Variants in STEAP1B observed in about 807,000 individuals in gnomAD.
STEAP1B encodes the protein STEAP family protein MGC87042.
A neutral mutation model predicts 27.9 loss-of-function variants in STEAP1B; 13 were observed. That is an observed-to-expected ratio of 0.47 (90% CI 0.30 to 0.74). The LOEUF (loss-of-function observed/expected upper bound fraction) is 0.74. Ranked by LOEUF, STEAP1B falls within the 30% of genes least tolerant of loss-of-function variation. The pLI, the probability that STEAP1B is intolerant of heterozygous loss-of-function variation, is 0.06. For missense variants in STEAP1B, 250 were observed against 298.7 expected, an observed-to-expected ratio of 0.84 and a Z score of 1.20; for synonymous variants, 86 against 107.1, an observed-to-expected ratio of 0.80 and a Z score of 1.22.
intron 4 of STEAP1B, among the ~76,000 whole-genome samples, chr7:22,466,658 GA>G (rs141487445): frequency 0.017 from 2,516 of 152,260 alleles, 65 homozygotes; most frequent in African/African-American, 0.058. Flanking sequence ...ATTGCACAAG[GA>G]CAGGCAAAAC....
chr7:22,481,142 G>T (rs143972685), intron 4 of STEAP1B, among the ~76,000 whole-genome samples: 147 of 152,310 alleles, frequency 9.7e-4, no homozygotes, highest in African/African-American at 3.3e-3. Flanking sequence ...TGCAAGTAGT[G>T]GCTGACCTTG....
intron 4 of STEAP1B, among the ~76,000 whole-genome samples, chr7:22,465,922 C>A (rs1375230515): frequency 6.6e-6 from 1 of 152,204 alleles, no homozygotes. Flanking sequence ...TACCAAAACT[C>A]AGAGCCTCGA....
chr7:22,430,597 T>G (rs1193596446), intron 4 of STEAP1B, among the ~76,000 whole-genome samples: 1 of 152,230 alleles, frequency 6.6e-6, no homozygotes, highest in Non-Finnish European at 1.5e-5. Flanking sequence ...TGGTTCTGAC[T>G]GGAACCGTGG....
At chr7:22,494,262 T>A (rs1422592567) in intron 2 of STEAP1B, among the ~76,000 whole-genome samples, 1 of 151,446 alleles carries the variant, frequency 6.6e-6, no homozygotes, top group African/African-American at 2.4e-5. Flanking sequence ...AAGAAACACT[T>A]AATCCTGTGT....
chr7:22,445,298 T>C (rs1351892009), intron 4 of STEAP1B, among the ~76,000 whole-genome samples: 1 of 152,240 alleles, frequency 6.6e-6, no homozygotes, highest in Non-Finnish European at 1.5e-5. Context: ...TCACATGACC[T>C]TCATGTCTTC....
chr7:22,427,094 G>A (rs994598298), intron 4 of STEAP1B, among the ~76,000 whole-genome samples: 1 of 152,142 alleles, frequency 6.6e-6, no homozygotes, highest in Non-Finnish European at 1.5e-5. Flanking sequence ...GAGAAGAGAG[G>A]GTCACAGAGA....
Position 22,419,717 on chromosome 7 carries a change from G to C in STEAP1B, c.*87C>G. 7.0e-7 allele frequency: 1 copy of C among 1,427,546 alleles called. No homozygotes were observed. 88.4% of individuals were successfully genotyped at this position (1,427,546 alleles called of 1,614,324 possible). A position where few individuals can be genotyped will look rare whatever the true frequency, so the allele number is the denominator to read the frequency against. ...GCTGTTCATTGTGGCAGAGGGAAAG[G>C]GCACTGGGTGGTGTTCTGCATGAGC... is the stretch of plus-strand genomic sequence containing the variant. On this transcript the variant is annotated 3_prime_UTR_variant, in exon 5 of 5. Coordinates refer to ENST00000678116, the MANE Select transcript of STEAP1B (RefSeq NM_001382447.1).
intron 4 of STEAP1B, among the ~76,000 whole-genome samples, chr7:22,484,719 C>T: frequency 6.6e-6 from 1 of 152,122 alleles, no homozygotes; most frequent in East Asian, 1.9e-4. Context: ...TGGATCTGGG[C>T]AAAGTCAATT....
In STEAP1B at chr7:22,451,550, T is replaced by C. The variant is rs183790959; in HGVS notation, c.763-31714A>G. Among the ~76,000 whole-genome samples, 287 of 152,354 alleles carry C rather than the reference T, an allele frequency of 1.9e-3. 1 individual carries two copies. The highest frequency in any genetic ancestry group is 3.6e-3 in the Non-Finnish European group (247 of 68,030). On this transcript the variant is annotated intron_variant, in intron 4 of 4. Transcript: ENST00000678116. The stretch of plus-strand genomic sequence containing the variant: ...GCTGTTGGTCTGTCACGTGGCTTTT[T>C]TTATGTTGAGGTATATTTTATCTCC...
intron 4 of STEAP1B, among the ~76,000 whole-genome samples, chr7:22,459,680 T>G (rs1481273234): frequency 6.6e-6 from 1 of 152,234 alleles, no homozygotes; most frequent in Non-Finnish European, 1.5e-5. Context: ...GCCAGTATTA[T>G]GTTGGGCCAT....
At chr7:22,440,301 T>C (rs1418791111) in intron 4 of STEAP1B, among the ~76,000 whole-genome samples, 1 of 152,226 alleles carries the variant, frequency 6.6e-6, no homozygotes, top group African/African-American at 2.4e-5. Context: ...ATTTCTATTC[T>C]GTACTGAAAT....
chr7:22,460,339 A>AAT (rs1554285940), intron 4 of STEAP1B, among the ~76,000 whole-genome samples: 1 of 150,724 alleles, frequency 6.6e-6, no homozygotes, highest in Non-Finnish European at 1.5e-5. Context: ...AAACAAACAA[A>AAT]AAAAAAAAAA....
intron 4 of STEAP1B, among the ~76,000 whole-genome samples, chr7:22,437,724 G>A (rs1785272277): frequency 6.6e-6 from 1 of 152,168 alleles, no homozygotes; most frequent in Non-Finnish European, 1.5e-5. Flanking sequence ...TCCATCAACA[G>A]TGTAAAAGGT....
chr7:22,479,276 G>A (rs995121474), intron 4 of STEAP1B, among the ~76,000 whole-genome samples: 7 of 152,102 alleles, frequency 4.6e-5, no homozygotes, highest in African/African-American at 1.7e-4. Context: ...ATAGGGGTAG[G>A]GGGCAAAACG....
chr7:22,442,807 G>C (rs1259803150), intron 4 of STEAP1B, among the ~76,000 whole-genome samples: 1 of 151,906 alleles, frequency 6.6e-6, no homozygotes, highest in Non-Finnish European at 1.5e-5. Context: ...CCATGACAAT[G>C]AGGAGGACTT....
chr7:22,491,076 A>C (rs1374518687), intron 4 of STEAP1B, among the ~76,000 whole-genome samples: 1 of 152,246 alleles, frequency 6.6e-6, no homozygotes, highest in Non-Finnish European at 1.5e-5. Context: ...TCATTTTGAA[A>C]AGTAGCAACT....
chr7:22,486,791 C>T (rs1208000635), intron 4 of STEAP1B, among the ~76,000 whole-genome samples: 1 of 152,096 alleles, frequency 6.6e-6, no homozygotes, highest in African/African-American at 2.4e-5. Context: ...TCCTTTCTAG[C>T]CACACTGGCC....
chr7:22,483,640 G>C (rs1786125239), intron 4 of STEAP1B, among the ~76,000 whole-genome samples: 2 of 152,106 alleles, frequency 1.3e-5, no homozygotes, highest in Admixed American at 6.6e-5. Flanking sequence ...TTGTATCTGT[G>C]ATGGTGATCT....
chr7:22,476,606 G>A (rs889318199), intron 4 of STEAP1B, among the ~76,000 whole-genome samples: 1 of 152,192 alleles, frequency 6.6e-6, no homozygotes, highest in African/African-American at 2.4e-5. Flanking sequence ...GATAAGGAAT[G>A]TATCTCCAGG....
Sources: gnomAD v4.1 joint callset for allele counts (sites outside exome capture counted in the v4.1 genomes callset) on GRCh38, gnomAD v4.1.1 for gene constraint, MANE v1.5 for transcripts, NCBI Gene and HGNC (gene_info 2026-07-23, HGNC 2026-07-21) for gene names.